PTPRK: variants seen among roughly 807,000 people sequenced by gnomAD.
The protein encoded by PTPRK is protein tyrosine phosphatase receptor type K, also known as receptor-type tyrosine-protein phosphatase kappa.
In PTPRK, 75 loss-of-function variants were observed where a neutral mutation model predicts 178.0. The observed-to-expected ratio is 0.42, with a 90% CI of 0.35 to 0.51. The LOEUF (loss-of-function observed/expected upper bound fraction) is 0.51, where lower values mean the gene tolerates loss of function less well. PTPRK is among the 20% of genes least tolerant of loss of function. The pLI, the probability that PTPRK is intolerant of heterozygous loss-of-function variation, is 0.02. For missense variants in PTPRK, 1,441 were observed against 1,797.8 expected (o/e 0.80, Z 3.59); for synonymous variants, 637 against 620.6 (o/e 1.03, Z -0.39).
At position 128,127,520 on chromosome 6, in the gene PTPRK, T is replaced by C. The variant is rs140506806; in HGVS notation, c.1163-37528A>G. Reference sequence around the variant, plus strand: ...GACCCTATATGCACTGTATTAGCTTTATACCTAAACAATTACAACAGCGAT... The same window carrying C: ...GACCCTATATGCACTGTATTAGCTTCATACCTAAACAATTACAACAGCGAT... On this transcript the variant is annotated intron_variant, in intron 7 of 29. Coordinates refer to ENST00000368226, the MANE Select transcript of PTPRK (RefSeq NM_002844.4). Among the ~76,000 whole-genome samples the C allele has an allele frequency of 1.3e-4, 20 of 152,346 alleles. No individual in the cohort carries two copies. The East Asian group carries it at 2.5e-3, about 19-fold the overall frequency.
At chr6:128,059,256 T>C (rs1780421868) in intron 13 of PTPRK, among the ~76,000 whole-genome samples, 1 of 152,134 alleles carries the variant, frequency 6.6e-6, no homozygotes, top group South Asian at 2.1e-4. Flanking sequence ...ATATTGAATC[T>C]TCTAATCCAT....
chr6:128,250,226 A>G (rs529820866), intron 3 of PTPRK, among the ~76,000 whole-genome samples: 4 of 152,284 alleles, frequency 2.6e-5, no homozygotes, highest in South Asian at 4.1e-4. Flanking sequence ...ATGAACTAAT[A>G]CACCACCCAT....
intron 2 of PTPRK, among the ~76,000 whole-genome samples, chr6:128,351,966 C>T (rs1833204976): frequency 6.6e-6 from 1 of 151,836 alleles, no homozygotes; most frequent in African/African-American, 2.4e-5. Context: ...TTGAAATATT[C>T]CATTAGTAGG....
intron 2 of PTPRK, among the ~76,000 whole-genome samples, chr6:128,359,739 C>T (rs575701436): frequency 5.3e-5 from 8 of 150,474 alleles, no homozygotes; most frequent in South Asian, 2.1e-4. Flanking sequence ...GCAACAAGAG[C>T]GAAACTCGGT....
intron 10 of PTPRK, among the ~76,000 whole-genome samples, chr6:128,080,700 A>AT: frequency 6.6e-6 from 1 of 152,148 alleles, no homozygotes; most frequent in Non-Finnish European, 1.5e-5. Flanking sequence ...TATTTAAATT[A>AT]TTTTTTTAAA....
chr6:128,196,314 C>A (rs1281377517), intron 6 of PTPRK, among the ~76,000 whole-genome samples: 2 of 152,044 alleles, frequency 1.3e-5, no homozygotes, highest in South Asian at 2.1e-4. Flanking sequence ...AAAGTGCTAT[C>A]AAAATCACCA....
At chr6:128,506,472 A>T (rs1322106234) in intron 1 of PTPRK, among the ~76,000 whole-genome samples, 2 of 151,922 alleles carry the variant, frequency 1.3e-5, no homozygotes, top group Admixed American at 1.3e-4. Flanking sequence ...GTTTTTATAC[A>T]TGGCAAGACC....
At chr6:128,255,054 G>T (rs540353935) in intron 3 of PTPRK, among the ~76,000 whole-genome samples, 2 of 152,280 alleles carry the variant, frequency 1.3e-5, no homozygotes, top group South Asian at 4.2e-4. Flanking sequence ...ACAGTGACGC[G>T]ATCTCAGCTC....
intron 11 of PTPRK, among the ~76,000 whole-genome samples, chr6:128,075,648 T>C (rs913400020): frequency 1.3e-5 from 2 of 152,092 alleles, no homozygotes; most frequent in African/African-American, 2.4e-5. Context: ...ATTTCAAGTA[T>C]GCAGCTCAGC....
intron 1 of PTPRK, among the ~76,000 whole-genome samples, chr6:128,465,955 C>G (rs1438979436): frequency 6.6e-6 from 1 of 152,048 alleles, no homozygotes; most frequent in East Asian, 1.9e-4. Context: ...TTTATAAAAC[C>G]AAAATCAAAG....
chr6:128,288,303 A>T (rs189750702), intron 3 of PTPRK, among the ~76,000 whole-genome samples: 4 of 152,186 alleles, frequency 2.6e-5, no homozygotes, highest in African/African-American at 9.6e-5. Context: ...ACTAAATTTT[A>T]TATCAGTTAA....
chr6:128,065,886 T>C (rs776730685), intron 12 of PTPRK, among the ~76,000 whole-genome samples: 3 of 152,332 alleles, frequency 2.0e-5, no homozygotes, highest in Non-Finnish European at 4.4e-5. Flanking sequence ...TCTCTACTTG[T>C]AGAAGTCACA....
intron 3 of PTPRK, among the ~76,000 whole-genome samples, chr6:128,282,568 G>T (rs1821840882): frequency 6.6e-6 from 1 of 152,120 alleles, no homozygotes; most frequent in Non-Finnish European, 1.5e-5. Context: ...CTTCACAATT[G>T]CAATTTTATG....
chr6:127,972,904 C>A, intron 29 of PTPRK, 118 bp downstream of exon 29: 2 of 1,052,950 alleles, frequency 1.9e-6, no homozygotes, highest in Middle Eastern at 2.1e-4. Context: ...AGGAAAGTCC[C>A]CACAACGTCT....
chr6:128,196,914 T>C lies in PTPRK; in HGVS notation c.869-12189A>G, dbSNP rs541634829. 5.3e-5 allele frequency among the ~76,000 whole-genome samples: 8 copies of C among 152,224 alleles called. No homozygotes were observed. The South Asian group carries it at 1.5e-3, about 28-fold the overall frequency. ...GAGAAAAGAACCATAAGACATAAAA[T>C]GGCACTAATATTTTCATAGATATTG... On this transcript the variant is annotated intron_variant, in intron 6 of 29. Transcript: ENST00000368226.
chr6:128,195,027 T>G (rs1215020640), intron 6 of PTPRK, among the ~76,000 whole-genome samples: 2 of 152,094 alleles, frequency 1.3e-5, no homozygotes, highest in Non-Finnish European at 2.9e-5. Flanking sequence ...TATACATATA[T>G]GCAGACACAT....
At chr6:128,232,400 G>T (rs1474371648) in intron 5 of PTPRK, among the ~76,000 whole-genome samples, 1 of 152,176 alleles carries the variant, frequency 6.6e-6, no homozygotes, top group East Asian at 1.9e-4. Flanking sequence ...ATCTTAAAAA[G>T]TAGTTAACCT....
At chr6:128,153,467 T>C (rs1476194634) in intron 7 of PTPRK, among the ~76,000 whole-genome samples, 1 of 152,010 alleles carries the variant, frequency 6.6e-6, no homozygotes, top group African/African-American at 2.4e-5. Context: ...ATATTACATA[T>C]ATGCTATCAA....
At chr6:128,129,271 C>T (rs754160472) in intron 7 of PTPRK, among the ~76,000 whole-genome samples, 1 of 152,158 alleles carries the variant, frequency 6.6e-6, no homozygotes, top group Non-Finnish European at 1.5e-5. Context: ...CTCATCACTG[C>T]TATTCAAGAA....
Sources: gnomAD v4.1 joint callset for allele counts (sites outside exome capture counted in the v4.1 genomes callset) on GRCh38, gnomAD v4.1.1 for gene constraint, MANE v1.5 for transcripts, NCBI Gene and HGNC (gene_info 2026-07-23, HGNC 2026-07-21) for gene names.